The following PLEKHH2 variants were observed in gnomAD, a reference collection of about 807,000 sequenced individuals.
PLEKHH2 encodes pleckstrin homology, MyTH4 and FERM domain containing H2.
PLEKHH2 carries 129 observed loss-of-function variants against 187.9 expected under a neutral mutation model. The observed-to-expected ratio is 0.69, with a 90% CI of 0.59 to 0.79. The LOEUF is 0.79. PLEKHH2 is among the 30% of genes least tolerant of loss of function. The pLI, the probability that PLEKHH2 is intolerant of heterozygous loss-of-function variation, is 0.00. For missense variants in PLEKHH2, 2,076 were observed against 1,751.2 expected, an observed-to-expected ratio of 1.19 and a Z score of -3.31; for synonymous variants, 686 against 605.6, an observed-to-expected ratio of 1.13 and a Z score of -1.95.
chr2:43,718,449 A>G (rs1435363263), intron 15 of PLEKHH2, among the ~76,000 whole-genome samples: 1 of 152,018 alleles, frequency 6.6e-6, no homozygotes, highest in Non-Finnish European at 1.5e-5. Context: ...GAGGCAGGAG[A>G]ATCACTTGAA....
At chr2:43,713,972 CTA>C (rs1670090695) in intron 15 of PLEKHH2, among the ~76,000 whole-genome samples, 1 of 152,112 alleles carries the variant, frequency 6.6e-6, no homozygotes, top group Non-Finnish European at 1.5e-5. Context: ...ATACTATGTA[CTA>C]TGTTTTTTCT....
At chr2:43,743,708 G>GT in intron 22 of PLEKHH2, 126 bp from the exon 23 acceptor site, 1 of 941,480 alleles carries the variant, frequency 1.1e-6, no homozygotes, top group Non-Finnish European at 1.4e-6. Context: ...GGGAAAAAAA[G>GT]TTGAAGCACC....
chr2:43,738,589 C>A, intron 20 of PLEKHH2, 69 bp downstream of exon 20: 1 of 1,385,746 alleles, frequency 7.2e-7, no homozygotes, highest in Non-Finnish European at 9.8e-7. Context: ...AAGAATGATA[C>A]ACATTCAGCA....
intron 18 of PLEKHH2, among the ~76,000 whole-genome samples, chr2:43,730,231 A>G (rs1572632136): frequency 6.6e-6 from 1 of 152,282 alleles, no homozygotes; most frequent in East Asian, 1.9e-4. Context: ...ACAAATTCAT[A>G]AACTTTCTTA....
chr2:43,680,969 C>T, intron 3 of PLEKHH2: 1 of 1,099,986 alleles, frequency 9.1e-7, no homozygotes. Context: ...CACTGGATTT[C>T]TAGTTTCCGT....
intron 2 of PLEKHH2, among the ~76,000 whole-genome samples, chr2:43,653,712 G>T (rs77346854): frequency 0.073 from 11,086 of 152,158 alleles, 534 homozygotes; most frequent in Middle Eastern, 0.19. Context: ...ACATGAAATT[G>T]GTAGAAAACC....
At chr2:43,652,909 T>G (rs147676592) in intron 2 of PLEKHH2, among the ~76,000 whole-genome samples, 59 of 152,258 alleles carry the variant, frequency 3.9e-4, no homozygotes, top group African/African-American at 1.3e-3. Context: ...CAGGGAATAT[T>G]CAGAGAATAA....
intron 9 of PLEKHH2, among the ~76,000 whole-genome samples, chr2:43,705,772 C>T (rs1437502942): frequency 6.6e-6 from 1 of 151,948 alleles, no homozygotes; most frequent in Non-Finnish European, 1.5e-5. Flanking sequence ...CAGGTGTATG[C>T]CACCATGTTT....
At chr2:43,684,530 CCCGCCCCCCA>C (rs1277970425) in intron 3 of PLEKHH2, among the ~76,000 whole-genome samples, 1 of 151,778 alleles carries the variant, frequency 6.6e-6, no homozygotes, top group Non-Finnish European at 1.5e-5. Flanking sequence ...ACTATCTACA[CCCGCCCCCCA>C]CCGACCCCTG....
At chr2:43,736,898 T>A (rs1437616779) in intron 19 of PLEKHH2, among the ~76,000 whole-genome samples, 1 of 152,040 alleles carries the variant, frequency 6.6e-6, no homozygotes, top group Non-Finnish European at 1.5e-5. Context: ...CTCCAGAGAT[T>A]CGTGTTTTCA....
intron 5 of PLEKHH2, among the ~76,000 whole-genome samples, chr2:43,694,787 C>T (rs918078151): frequency 2.6e-5 from 4 of 152,082 alleles, no homozygotes; most frequent in African/African-American, 7.2e-5. Flanking sequence ...AATAATAGGA[C>T]ATACATCTAT....
intron 6 of PLEKHH2, among the ~76,000 whole-genome samples, chr2:43,696,866 A>C (rs1216506830): frequency 6.6e-6 from 1 of 152,202 alleles, no homozygotes; most frequent in Non-Finnish European, 1.5e-5. Context: ...AGAGCTCTCT[A>C]GTTATTTATA....
chr2:43,758,770 A>T, intron 26 of PLEKHH2, 130 bp from the exon 27 acceptor site: 1 of 682,782 alleles, frequency 1.5e-6, no homozygotes. Flanking sequence ...CAAAATCTTT[A>T]CCTGGGTTAT....
intron 23 of PLEKHH2, 110 bp downstream of exon 23, chr2:43,744,099 T>G: frequency 1.4e-6 from 2 of 1,469,768 alleles, no homozygotes. Context: ...TTCCAAAACT[T>G]TAACCAATCT....
intron 24 of PLEKHH2, among the ~76,000 whole-genome samples, chr2:43,749,442 G>T (rs960808756): frequency 4.6e-5 from 7 of 152,150 alleles, no homozygotes; most frequent in Non-Finnish European, 8.8e-5. Context: ...ACCACCTTGG[G>T]TACATGTTCT....
chr2:43,741,246 T>G (rs1671548122), intron 21 of PLEKHH2: 1 of 387,666 alleles, frequency 2.6e-6, no homozygotes, highest in Non-Finnish European at 4.5e-6. Context: ...AAGATTGCAA[T>G]AAATACTTGA....
rs181645619 is a variant in PLEKHH2, at chr2:43,666,584, T to A, written c.124-12279T>A. 5.7e-3 allele frequency among the ~76,000 whole-genome samples: 871 copies of A among 152,360 alleles called. 4 individuals carry two copies. The highest frequency in any genetic ancestry group is 7.9e-3 in the Non-Finnish European group (537 of 68,032). On this transcript the variant is annotated intron_variant, in intron 2 of 29. Transcript: ENST00000282406. ...CATTCCTACCAGTAATGCTTGAGTG[T>A]TCTACTTGCTCTGCAGTTTTACCAC...
Position 43,699,827 on chromosome 2 carries a change from A to C in PLEKHH2, c.869A>C (p.Glu290Ala), listed in dbSNP as rs140722868. 1.9e-6 allele frequency: 3 copies of C among 1,611,840 alleles called. No individual in the cohort carries two copies. The highest frequency in any genetic ancestry group is 2.5e-6 in the Non-Finnish European group (3 of 1,177,948). ...CCTGTGAGTGACTGGAGCTCTGATG[A>C]GGAAGACGGGAGCAAAGGAAGATCC... ...GAPVSDWSSD[E>A]EDGSKGRSKS... The change falls in exon 8 of 30, where the codon GAG (glutamate) becomes GCG (alanine). Residue 290 changes from glutamate (E) to alanine (A), a missense_variant. By Grantham distance (107) the Glu-to-Ala change is moderately radical. Coordinates refer to ENST00000282406, the MANE Select transcript of PLEKHH2 (RefSeq NM_172069.4).
Position 43,765,667 on chromosome 2 carries a change from G to A in PLEKHH2, c.*69G>A, listed in dbSNP as rs1462549131. On this transcript the variant is annotated 3_prime_UTR_variant, in exon 30 of 30. Transcript: ENST00000282406. ...GGCTGTATCAGCTCCCTACAAGTTC[G>A]TTTACACCTGGCAGCACGGCAGCCA... 24 of 1,480,566 alleles carry A rather than the reference G, an allele frequency of 1.6e-5. No individual in the cohort carries two copies. The highest frequency in any genetic ancestry group is 5.4e-5 in the South Asian group (4 of 74,310). The allele number at this position is 1,480,566 out of a possible 1,614,324, so 91.7% of individuals were successfully genotyped here. A position where few individuals can be genotyped will look rare whatever the true frequency, so the allele number is the denominator to read the frequency against.
Sources: gnomAD v4.1 joint callset for allele counts (sites outside exome capture counted in the v4.1 genomes callset) on GRCh38, gnomAD v4.1.1 for gene constraint, MANE v1.5 for transcripts, NCBI Gene and HGNC (gene_info 2026-07-23, HGNC 2026-07-21) for gene names.